The following HCN1 variants were observed in gnomAD, a reference collection of about 807,000 sequenced individuals.
The protein encoded by HCN1 is potassium/sodium hyperpolarization-activated cyclic nucleotide-gated channel 1.
Under a neutral mutation model 78.9 loss-of-function variants are expected in HCN1, and 13 were observed. The ratio of observed to expected loss-of-function variants is 0.16; its 90% confidence interval spans 0.11 to 0.26. The LOEUF (loss-of-function observed/expected upper bound fraction) is 0.26. Ranked by LOEUF, HCN1 falls within the 10% of genes least tolerant of loss-of-function variation. The probability of loss-of-function intolerance (pLI) is 1.00; values close to 1 mark genes in which losing one functional copy is unlikely to be tolerated. For synonymous variants in HCN1, 552 were observed against 455.5 expected, an observed-to-expected ratio of 1.21 and a Z score of -2.70; for missense variants, 810 against 1,154.3, an observed-to-expected ratio of 0.70 and a Z score of 4.32.
At chr5:45,622,664 T>C (rs564476898) in intron 2 of HCN1, among the ~76,000 whole-genome samples, 1 of 151,028 alleles carries the variant, frequency 6.6e-6, no homozygotes, top group Non-Finnish European at 1.5e-5. Flanking sequence ...GAAAAAGAGA[T>C]AAAAAGGAAC....
rs560930037 is a variant in HCN1 at position 45,531,541 on chromosome 5, G to A, written c.850-69534C>T. Among the ~76,000 whole-genome samples the A allele has an allele frequency of 5.0e-4, 76 of 152,208 alleles. 1 individual carries two copies. The highest frequency in any genetic ancestry group is 1.8e-3 in the African/African-American group (75 of 41,538). On this transcript the variant is annotated intron_variant, in intron 2 of 7. Coordinates refer to ENST00000303230, the MANE Select transcript of HCN1 (RefSeq NM_021072.4). ...CTCAGAATACAATTCAGTAGCCATT[G>A]TGTTGTGTAAGTATCCCCTACTTCC...
Position 45,260,601 on chromosome 5 carries a change from C to T in HCN1, c.*1320G>A, listed in dbSNP as rs879187798. 14 of 152,562 alleles carry T rather than the reference C, an allele frequency of 9.2e-5. No individual in the cohort carries two copies. The South Asian group carries it at 1.7e-3, about 18-fold the overall frequency. The allele number at this position is 152,562 out of a possible 1,614,324, so 9.5% of individuals were successfully genotyped here. A position where few individuals can be genotyped will look rare whatever the true frequency, so the allele number is the denominator to read the frequency against. ...AGCAAAATGTGTGTTCCCAAACAGA[C>T]GTGATGCTGTATTGAATTTATTTCT... On this transcript the variant is annotated 3_prime_UTR_variant, in exon 8 of 8. Coordinates refer to ENST00000303230, the MANE Select transcript of HCN1 (RefSeq NM_021072.4).
intron 6 of HCN1, among the ~76,000 whole-genome samples, chr5:45,274,806 C>A (rs981869296): frequency 2.0e-5 from 3 of 152,082 alleles, no homozygotes; most frequent in Admixed American, 2.0e-4. Context: ...TCTTAATTGT[C>A]CCAGGGAAAA....
intron 3 of HCN1, among the ~76,000 whole-genome samples, chr5:45,460,002 T>G (rs1406513931): frequency 1.3e-5 from 2 of 152,156 alleles, no homozygotes; most frequent in East Asian, 3.9e-4. Context: ...AACTACTGCT[T>G]ACTTTGTTCT....
chr5:45,400,911 A>G (rs540948501), intron 3 of HCN1, among the ~76,000 whole-genome samples: 18 of 152,234 alleles, frequency 1.2e-4, no homozygotes, highest in African/African-American at 4.3e-4. Flanking sequence ...AATGAATCCT[A>G]TTATATATGC....
At chr5:45,593,944 G>A (rs1174121409) in intron 2 of HCN1, among the ~76,000 whole-genome samples, 1 of 152,120 alleles carries the variant, frequency 6.6e-6, no homozygotes, top group Non-Finnish European at 1.5e-5. Flanking sequence ...CCAAAGTGCT[G>A]GGATTACAGG....
Position 45,613,962 on chromosome 5 carries a change from T to A in HCN1, c.849+31223A>T, listed in dbSNP as rs183363641. Among the ~76,000 whole-genome samples the A allele has an allele frequency of 4.6e-5, 7 of 152,134 alleles. No individual in the cohort carries two copies. The East Asian group carries it at 1.4e-3, about 29-fold the overall frequency. ...GTGTAGGGAGAAATGGTTACTGTAA[T>A]AAAATAAGTCCAGTAATCATTTTTA... On this transcript the variant is annotated intron_variant, in intron 2 of 7. Coordinates refer to ENST00000303230, the MANE Select transcript of HCN1 (RefSeq NM_021072.4).
chr5:45,312,842 C>A (rs1165811498), intron 5 of HCN1, among the ~76,000 whole-genome samples: 2 of 152,118 alleles, frequency 1.3e-5, no homozygotes, highest in Non-Finnish European at 2.9e-5. Context: ...ATTGCTGAGG[C>A]TTGAGTAGGT....
intron 1 of HCN1, among the ~76,000 whole-genome samples, chr5:45,684,380 T>C (rs1034812264): frequency 6.6e-6 from 1 of 152,178 alleles, no homozygotes; most frequent in Non-Finnish European, 1.5e-5. Context: ...TTTTATACAT[T>C]AGATATATAT....
At chr5:45,495,179 A>C (rs1463775873) in intron 2 of HCN1, among the ~76,000 whole-genome samples, 1 of 116,194 alleles carries the variant, frequency 8.6e-6, no homozygotes, top group Non-Finnish European at 1.8e-5. Flanking sequence ...GAATCTATAA[A>C]TTACCTTGGG....
At chr5:45,362,934 T>C (rs1747146282) in intron 4 of HCN1, among the ~76,000 whole-genome samples, 1 of 151,738 alleles carries the variant, frequency 6.6e-6, no homozygotes, top group African/African-American at 2.4e-5. Context: ...TTTTGTTATC[T>C]AACTTTCTAC....
chr5:45,553,014 T>C (rs895634536), intron 2 of HCN1, among the ~76,000 whole-genome samples: 8 of 151,898 alleles, frequency 5.3e-5, no homozygotes, highest in Non-Finnish European at 7.4e-5. Context: ...TGCTGATTAC[T>C]TCAAACTCAG....
Position 45,696,177 on chromosome 5 carries a change from G to C in HCN1, c.-84C>G, listed in dbSNP as rs1740009606. The C allele has an allele frequency of 1.2e-6, 1 of 843,754 alleles. No individual in the cohort carries two copies. 52.3% of individuals were successfully genotyped at this position (843,754 alleles called of 1,614,324 possible). A position where few individuals can be genotyped will look rare whatever the true frequency, so the allele number is the denominator to read the frequency against. On this transcript the variant is annotated 5_prime_UTR_variant, in exon 1 of 8. Coordinates refer to ENST00000303230, the MANE Select transcript of HCN1 (RefSeq NM_021072.4). ...GGAGACACGTAGCCGAGAGGGTAGG[G>C]GCCCGAGCCGGCTGCCGGCGAGCCC... is the stretch of plus-strand genomic sequence containing the variant.
At position 45,330,411 on chromosome 5, in the gene HCN1, CAA is replaced by C. The variant is rs1746321517; in HGVS notation, c.1377+22687_1377+22688del. The stretch of plus-strand genomic sequence containing the variant: ...AATAAAACTTAACTAAATAAACGCA[CAA>C]GACACCATCATATATATACATATGA... On this transcript the variant is annotated intron_variant, in intron 5 of 7. Coordinates refer to ENST00000303230, the MANE Select transcript of HCN1 (RefSeq NM_021072.4). 2.0e-5 allele frequency among the ~76,000 whole-genome samples: 3 copies of C among 150,846 alleles called. No individual in the cohort carries two copies. In the Admixed American group the frequency reaches 2.0e-4, roughly 10 times the overall value.
chr5:45,395,808 T>C (rs1739675172), intron 4 of HCN1, among the ~76,000 whole-genome samples: 1 of 152,076 alleles, frequency 6.6e-6, no homozygotes, highest in Non-Finnish European at 1.5e-5. Context: ...ACTGTCCCAA[T>C]ACCCTATATT....
chr5:45,612,459 GATTA>G, intron 2 of HCN1, among the ~76,000 whole-genome samples: 1 of 152,184 alleles, frequency 6.6e-6, no homozygotes, highest in East Asian at 1.9e-4. Flanking sequence ...AACACATACT[GATTA>G]ATATTGAAAT....
chr5:45,547,508 AT>A (rs1743254758), intron 2 of HCN1, among the ~76,000 whole-genome samples: 1 of 151,890 alleles, frequency 6.6e-6, no homozygotes, highest in Admixed American at 6.6e-5. Flanking sequence ...CACCCTACTC[AT>A]TTCAGGCTGA....
chr5:45,484,490 G>A (rs536790589), intron 2 of HCN1, among the ~76,000 whole-genome samples: 5 of 152,080 alleles, frequency 3.3e-5, no homozygotes, highest in Admixed American at 1.3e-4. Context: ...TTCCAGGGAA[G>A]CCCTTTGGTG....
At chr5:45,359,848 A>C (rs1747075519) in intron 4 of HCN1, among the ~76,000 whole-genome samples, 1 of 151,876 alleles carries the variant, frequency 6.6e-6, no homozygotes, top group South Asian at 2.1e-4. Flanking sequence ...AACTGACCAC[A>C]TTAAGTTTTA....
Sources: gnomAD v4.1 joint callset for allele counts (sites outside exome capture counted in the v4.1 genomes callset) on GRCh38, gnomAD v4.1.1 for gene constraint, MANE v1.5 for transcripts, NCBI Gene and HGNC (gene_info 2026-07-23, HGNC 2026-07-21) for gene names.